The following DOCK3 variants were observed in gnomAD, a reference collection of about 807,000 sequenced individuals.
DOCK3 encodes dedicator of cytokinesis protein 3.
In DOCK3, 60 loss-of-function variants were observed where a neutral mutation model predicts 265.6. That is an observed-to-expected ratio of 0.23 (90% CI 0.18 to 0.28). The LOEUF (loss-of-function observed/expected upper bound fraction) is 0.28, where lower values mean the gene tolerates loss of function less well. DOCK3 is among the 10% of genes least tolerant of loss of function. The pLI is 1.00. For synonymous variants in DOCK3, 881 were observed against 938.0 expected (o/e 0.94, Z 1.11); for missense variants, 1,981 against 2,594.3 (o/e 0.76, Z 5.14).
intron 21 of DOCK3, 92 bp from the exon 22 acceptor site, chr3:51,246,634 A>G (rs112574532): frequency 3.5e-6 from 4 of 1,158,300 alleles, no homozygotes; most frequent in African/African-American, 1.5e-5. Flanking sequence ...GCAGAATATT[A>G]TTTCCTATTT....
intron 39 of DOCK3, 40 bp from the exon 40 acceptor site, chr3:51,350,248 A>T: frequency 6.4e-7 from 1 of 1,566,118 alleles, no homozygotes; most frequent in Non-Finnish European, 8.6e-7. Flanking sequence ...TTGGATACCA[A>T]CAGCAGTCAA....
At position 51,337,538 on chromosome 3, in the gene DOCK3, T is replaced by C. The variant is rs562408716; in HGVS notation, c.3612-821T>C. On this transcript the variant is annotated intron_variant, in intron 35 of 52. Transcript: ENST00000266037. ...AGAAACTAGATCTTCTCCATAGCAGTGTGGGCTGCTATGGAAGGAGACACA... is the reference window on the plus strand; with the variant it reads ...AGAAACTAGATCTTCTCCATAGCAGCGTGGGCTGCTATGGAAGGAGACACA... 4.5e-4 allele frequency among the ~76,000 whole-genome samples: 69 copies of C among 152,258 alleles called. 1 individual carries two copies. In the South Asian group the frequency reaches 0.014, roughly 31 times the overall value.
In DOCK3 at chr3:51,089,263, T is replaced by C. The variant is rs781672260; in HGVS notation, c.570T>C (p.Ser190=). The C allele has an allele frequency of 8.1e-6, 13 of 1,609,648 alleles. No homozygotes were observed. The Admixed American group carries it at 1.0e-4, about 13-fold the overall frequency. ...LYKMHLSSRQ[S]VQQSTSQVDT... is the part of the protein sequence containing the mutation. ...CATAGCATTTATCTAGCCGGCAGAGTGTACAGCAAAGCACATCCCAGGTAA... is the reference window on the plus strand; with the variant it reads ...CATAGCATTTATCTAGCCGGCAGAGCGTACAGCAAAGCACATCCCAGGTAA... The change falls in exon 8 of 53, where the codon AGT becomes AGC. Residue 190 remains serine, a synonymous_variant. Transcript: ENST00000266037.
intron 40 of DOCK3, among the ~76,000 whole-genome samples, chr3:51,352,777 G>A (rs1211626137): frequency 1.3e-5 from 2 of 152,214 alleles, no homozygotes; most frequent in Non-Finnish European, 2.9e-5. Context: ...GTGGGAATCA[G>A]GTACAAAGCA....
In DOCK3 at chr3:50,907,510, G is replaced by C. The variant is rs1421651634; in HGVS notation, c.218+17429G>C. 4.6e-5 allele frequency among the ~76,000 whole-genome samples: 7 copies of C among 151,910 alleles called. 1 individual carries two copies. Among genetic ancestry groups the C allele is most frequent in the Admixed American group, 4.6e-4 (7 of 15,248 alleles). On this transcript the variant is annotated intron_variant, in intron 4 of 52. Coordinates refer to ENST00000266037, the MANE Select transcript of DOCK3 (RefSeq NM_004947.5). ...TTGATCCCTTTACCATTATGTAATA[G>C]CCTTCTTTGTCTTTTTTGATCTTTG...
In DOCK3 at chr3:51,069,840, C is replaced by T. The variant is rs969311848; in HGVS notation, c.464+5244C>T. Among the ~76,000 whole-genome samples, 62 of 152,284 alleles carry T rather than the reference C, an allele frequency of 4.1e-4. 1 individual carries two copies. The highest frequency in any genetic ancestry group is 1.4e-3 in the African/African-American group (59 of 41,554). ...GTTTCCTCTTAAGTAGATTTTTAGCCAGGATCTAGAAAGGTTTATGGCTTA... is the reference window on the plus strand; with the variant it reads ...GTTTCCTCTTAAGTAGATTTTTAGCTAGGATCTAGAAAGGTTTATGGCTTA... On this transcript the variant is annotated intron_variant, in intron 6 of 52. Transcript: ENST00000266037.
At chr3:51,160,769 G>A in intron 12 of DOCK3, 67 bp downstream of exon 12, 1 of 1,542,494 alleles carries the variant, frequency 6.5e-7, no homozygotes, top group Non-Finnish European at 8.7e-7. Context: ...GCCCTTGAGA[G>A]TAGTAGTGCT....
intron 22 of DOCK3, among the ~76,000 whole-genome samples, chr3:51,257,526 G>A (rs192766910): frequency 6.6e-5 from 10 of 152,218 alleles, no homozygotes; most frequent in Admixed American, 6.5e-5. Flanking sequence ...GCATGTAGGG[G>A]GTGTCATTGT....
chr3:50,841,841 T>G (rs1559710879), intron 3 of DOCK3, 126 bp downstream of exon 3: 2 of 238,716 alleles, frequency 8.4e-6, no homozygotes, highest in African/African-American at 4.4e-5. Context: ...ATTCTTTCCT[T>G]TACAAAACTG....
intron 35 of DOCK3, among the ~76,000 whole-genome samples, chr3:51,333,937 C>A (rs1270134472): frequency 1.3e-5 from 2 of 151,848 alleles, no homozygotes; most frequent in Non-Finnish European, 2.9e-5. Context: ...AAGTCCTAGG[C>A]TCAAGCGATC....
chr3:50,913,633 T>G (rs2049973541), intron 4 of DOCK3, among the ~76,000 whole-genome samples: 1 of 152,086 alleles, frequency 6.6e-6, no homozygotes, highest in Non-Finnish European at 1.5e-5. Context: ...CCACTGGAAT[T>G]GTTGATTCCC....
At chr3:51,133,843 G>A (rs2084672122) in intron 9 of DOCK3, among the ~76,000 whole-genome samples, 1 of 152,056 alleles carries the variant, frequency 6.6e-6, no homozygotes, top group South Asian at 2.1e-4. Context: ...GATTGAGAAG[G>A]AACTTCAGAG....
At chr3:50,833,397 A>C (rs1439155331) in intron 2 of DOCK3, among the ~76,000 whole-genome samples, 1 of 152,156 alleles carries the variant, frequency 6.6e-6, no homozygotes, top group East Asian at 1.9e-4. Context: ...TCTTGGCCTG[A>C]TTATTTGTTT....
At chr3:50,872,277 G>T (rs1023417484) in intron 3 of DOCK3, among the ~76,000 whole-genome samples, 17 of 152,228 alleles carry the variant, frequency 1.1e-4, no homozygotes, top group Non-Finnish European at 2.4e-4. Context: ...TAATGCTGTG[G>T]TTTTTTCAGA....
intron 1 of DOCK3, among the ~76,000 whole-genome samples, chr3:50,722,595 A>G (rs2037541132): frequency 6.6e-6 from 1 of 152,166 alleles, no homozygotes; most frequent in Admixed American, 6.5e-5. Context: ...GCCATGAAGG[A>G]GGATAAAGCG....
At chr3:50,791,909 C>T (rs147445897) in intron 2 of DOCK3, among the ~76,000 whole-genome samples, 6 of 151,940 alleles carry the variant, frequency 3.9e-5, no homozygotes, top group African/African-American at 4.8e-5. Flanking sequence ...CTTGGCTATT[C>T]GGGATATTTT....
intron 3 of DOCK3, among the ~76,000 whole-genome samples, chr3:50,866,253 G>A (rs1479716708): frequency 6.6e-6 from 1 of 152,104 alleles, no homozygotes; most frequent in Admixed American, 6.5e-5. Context: ...TTGGGAGGCT[G>A]AGGTGGGCAG....
At chr3:50,972,594 G>T (rs1181097221) in intron 5 of DOCK3, among the ~76,000 whole-genome samples, 1 of 152,192 alleles carries the variant, frequency 6.6e-6, no homozygotes, top group African/African-American at 2.4e-5. Context: ...CATTCCCTGA[G>T]GACTGGGACA....
intron 14 of DOCK3, among the ~76,000 whole-genome samples, chr3:51,222,026 A>C (rs1038174471): frequency 6.6e-5 from 10 of 152,164 alleles, no homozygotes; most frequent in African/African-American, 2.4e-4. Context: ...GATTTTTTAA[A>C]AAATATATGT....
Sources: allele counts gnomAD v4.1 joint callset (sites outside exome capture counted in the v4.1 genomes callset), GRCh38; gene constraint gnomAD v4.1.1; transcripts MANE v1.5; gene names NCBI Gene and HGNC (gene_info 2026-07-23, HGNC 2026-07-21).